NCKAP5: variants seen among roughly 807,000 people sequenced by gnomAD.
NCKAP5 encodes the protein nck-associated protein 5.
Under a neutral mutation model 167.0 loss-of-function variants are expected in NCKAP5, and 92 were observed. The ratio of observed to expected loss-of-function variants is 0.55; its 90% CI spans 0.47 to 0.66. The LOEUF (loss-of-function observed/expected upper bound fraction) is 0.66, where lower values mean the gene tolerates loss of function less well. NCKAP5 is among the 30% of genes least tolerant of loss of function. The pLI is 0.00. For synonymous variants in NCKAP5, 891 were observed against 877.4 expected, an observed-to-expected ratio of 1.02 and a Z score of -0.27; for missense variants, 2,378 against 2,315.0, an observed-to-expected ratio of 1.03 and a Z score of -0.56.
At chr2:132,969,769 G>A (rs16844568) in intron 7 of NCKAP5, among the ~76,000 whole-genome samples, 3,906 of 152,240 alleles carry the variant, frequency 0.026, 170 homozygotes, top group African/African-American at 0.09. Flanking sequence ...CTGATGTAAC[G>A]CCACCCAGGA....
At chr2:133,276,669 A>C (rs552182765) in intron 4 of NCKAP5, among the ~76,000 whole-genome samples, 1 of 152,268 alleles carries the variant, frequency 6.6e-6, no homozygotes, top group East Asian at 1.9e-4. Flanking sequence ...GAAAATGAAG[A>C]AAAACTTTCT....
chr2:133,359,220 T>C (rs1300118396), intron 3 of NCKAP5, among the ~76,000 whole-genome samples: 1 of 152,192 alleles, frequency 6.6e-6, no homozygotes, highest in Non-Finnish European at 1.5e-5. Context: ...TGCAGTGACT[T>C]AATCAGTCCT....
chr2:132,761,753 C>T, intron 16 of NCKAP5, among the ~76,000 whole-genome samples: 1 of 152,276 alleles, frequency 6.6e-6, no homozygotes, highest in African/African-American at 2.4e-5. Flanking sequence ...AGACTTGCTA[C>T]ATAGGGCTAG....
chr2:133,666,328 T>G, the NCKAP5 span, among the ~76,000 whole-genome samples: 1 of 151,334 alleles, frequency 6.6e-6, no homozygotes, highest in Non-Finnish European at 1.5e-5. Flanking sequence ...CTCTCGAGTA[T>G]CTGGGATTAC....
intron 4 of NCKAP5, among the ~76,000 whole-genome samples, chr2:133,218,894 G>A (rs536778148): frequency 5.3e-5 from 8 of 152,276 alleles, no homozygotes; most frequent in African/African-American, 7.2e-5. Flanking sequence ...CAATTTGAAA[G>A]AAAACCATAA....
chr2:133,457,563 T>C (rs1461921528), intron 3 of NCKAP5, among the ~76,000 whole-genome samples: 8 of 152,178 alleles, frequency 5.3e-5, no homozygotes, highest in Admixed American at 5.2e-4. Context: ...AGAGAAATTA[T>C]AAGGTAATTA....
Position 133,538,935 on chromosome 2 carries a change from T to TGG in NCKAP5, c.-62+20114_-62+20115insCC, listed in dbSNP as rs1558765930. The stretch of plus-strand genomic sequence containing the variant: ...TTTTTTTTGTGGTTTTTTTGGGTTT[T>TGG]TTTTTTTTTTTTTTTTTTTTTTTGA... On this transcript the variant is annotated intron_variant, in intron 2 of 19. Coordinates refer to ENST00000409261, the MANE Select transcript of NCKAP5 (RefSeq NM_207363.3). 2.2e-4 allele frequency among the ~76,000 whole-genome samples: 16 copies of TGG among 72,012 alleles called. No individual in the cohort carries two copies. The South Asian group carries it at 3.0e-3, about 14-fold the overall frequency. 47.2% of individuals were successfully genotyped at this position (72,012 alleles called of 152,430 possible). A position where few individuals can be genotyped will look rare whatever the true frequency, so the allele number is the denominator to read the frequency against.
chr2:133,593,391 T>C, the NCKAP5 span, among the ~76,000 whole-genome samples: 2 of 151,212 alleles, frequency 1.3e-5, no homozygotes, highest in African/African-American at 4.8e-5. Flanking sequence ...AAAGCCAGCA[T>C]ACACCCTTGG....
chr2:132,920,769 A>ATGTATGTATGTATG lies in NCKAP5; in HGVS notation c.580-41854_580-41853insCATACATACATACA, dbSNP rs1558943244. Among the ~76,000 whole-genome samples the ATGTATGTATGTATG allele has an allele frequency of 2.9e-3, 94 of 31,914 alleles. 5 individuals carry two copies. The highest frequency in any genetic ancestry group is 0.018 in the African/African-American group (91 of 5,106). 20.9% of individuals were successfully genotyped at this position (31,914 alleles called of 152,430 possible). On this transcript the variant is annotated intron_variant, in intron 8 of 19. Transcript: ENST00000409261. The stretch of plus-strand genomic sequence containing the variant: ...TGTATATATATATGTATATATATGT[A>ATGTATGTATGTATG]TGTATATATATATATATATATATAT...
At chr2:132,703,266 C>G (rs981133171) in intron 19 of NCKAP5, among the ~76,000 whole-genome samples, 57 of 152,122 alleles carry the variant, frequency 3.7e-4, no homozygotes, top group African/African-American at 1.3e-3. Flanking sequence ...ATGACATGCT[C>G]AAATACATAT....
chr2:133,218,971 G>C (rs1451792727), intron 4 of NCKAP5, among the ~76,000 whole-genome samples: 1 of 152,128 alleles, frequency 6.6e-6, no homozygotes, highest in African/African-American at 2.4e-5. Context: ...AAATTTTGTA[G>C]ACTGTCCACA....
At chr2:132,734,595 G>A in intron 16 of NCKAP5, among the ~76,000 whole-genome samples, 1 of 152,150 alleles carries the variant, frequency 6.6e-6, no homozygotes, top group East Asian at 1.9e-4. Context: ...TTTCTTTTGA[G>A]AAGACGCGTC....
the NCKAP5 span, among the ~76,000 whole-genome samples, chr2:133,674,390 C>T: frequency 1.3e-5 from 2 of 152,166 alleles, no homozygotes; most frequent in African/African-American, 4.8e-5. Context: ...CACCTGGATA[C>T]ACAGCAGCAA....
intron 3 of NCKAP5, among the ~76,000 whole-genome samples, chr2:133,400,711 G>A (rs899202777): frequency 6.6e-6 from 1 of 152,168 alleles, no homozygotes; most frequent in Non-Finnish European, 1.5e-5. Context: ...GTGGTAATTT[G>A]TTAGAGCAGC....
intron 2 of NCKAP5, among the ~76,000 whole-genome samples, chr2:133,537,020 C>G (rs10182352): frequency 0.017 from 2,601 of 152,072 alleles, 79 homozygotes; most frequent in African/African-American, 0.059. Context: ...ATACATGAAT[C>G]TCCAATTATC....
intron 3 of NCKAP5, among the ~76,000 whole-genome samples, chr2:133,347,926 G>A (rs1309131281): frequency 6.6e-6 from 1 of 152,194 alleles, no homozygotes; most frequent in Non-Finnish European, 1.5e-5. Context: ...TTATAATTGG[G>A]TTTAAAATAT....
intron 6 of NCKAP5, among the ~76,000 whole-genome samples, chr2:133,092,166 G>T (rs2081206363): frequency 6.6e-6 from 1 of 152,220 alleles, no homozygotes. Flanking sequence ...TAGGATATTT[G>T]TAGGTATAGG....
At chr2:133,207,287 G>T (rs1358376234) in intron 5 of NCKAP5, among the ~76,000 whole-genome samples, 2 of 152,080 alleles carry the variant, frequency 1.3e-5, no homozygotes, top group African/African-American at 2.4e-5. Context: ...CAGACCAACT[G>T]ACACTTAGGG....
intron 3 of NCKAP5, among the ~76,000 whole-genome samples, chr2:133,433,284 T>C (rs2151133156): frequency 6.6e-6 from 1 of 152,348 alleles, no homozygotes; most frequent in African/African-American, 2.4e-5. Context: ...TGGCTTCTGC[T>C]GTGTGAATGG....
Sources: allele counts gnomAD v4.1 joint callset (sites outside exome capture counted in the v4.1 genomes callset), GRCh38; gene constraint gnomAD v4.1.1; transcripts MANE v1.5; gene names NCBI Gene and HGNC (gene_info 2026-07-23, HGNC 2026-07-21).